RABGAP1L: variants seen among roughly 807,000 people sequenced by gnomAD.
RABGAP1L encodes the protein rab GTPase-activating protein 1-like.
In RABGAP1L, 63 loss-of-function variants were observed where a neutral mutation model predicts 137.7. The ratio of observed to expected loss-of-function variants is 0.46; its 90% confidence interval spans 0.37 to 0.56. RABGAP1L has a LOEUF of 0.56. Among genes scored for constraint, RABGAP1L ranks in the 20% least tolerant of loss-of-function variants. The probability of loss-of-function intolerance (pLI) is 0.00; values close to 1 mark genes in which losing one functional copy is unlikely to be tolerated. For synonymous variants in RABGAP1L, 431 were observed against 433.7 expected (o/e 0.99, Z 0.08); for missense variants, 1,095 against 1,244.0 (o/e 0.88, Z 1.80).
intron 13 of RABGAP1L, among the ~76,000 whole-genome samples, chr1:174,542,360 G>T (rs1454576543): frequency 2.0e-5 from 3 of 152,186 alleles, no homozygotes; most frequent in South Asian, 2.1e-4. Context: ...ATTTCTTCTA[G>T]ATTTTCTAGT....
chr1:174,557,452 C>A (rs2148006381), intron 13 of RABGAP1L, among the ~76,000 whole-genome samples: 1 of 152,280 alleles, frequency 6.6e-6, no homozygotes, highest in South Asian at 2.1e-4. Flanking sequence ...ACTTCTGTGA[C>A]CCTACCCCAT....
chr1:174,375,151 C>T lies in RABGAP1L; in HGVS notation c.1559+4079C>T, dbSNP rs188349964. 3.3e-5 allele frequency among the ~76,000 whole-genome samples: 5 copies of T among 152,050 alleles called. No individual in the cohort carries two copies. The East Asian group carries it at 9.7e-4, about 29-fold the overall frequency. On this transcript the variant is annotated intron_variant, in intron 12 of 25. Coordinates refer to ENST00000681986, the MANE Select transcript of RABGAP1L (RefSeq NM_001366446.1). The stretch of plus-strand genomic sequence containing the variant: ...AATTATTTATTCATTACATTTTCTA[C>T]ATGGCAGTTAATATTCTAAAACTAT...
intron 14 of RABGAP1L, among the ~76,000 whole-genome samples, chr1:174,640,955 A>G (rs1467227389): frequency 7.1e-6 from 1 of 141,034 alleles, no homozygotes. Context: ...ATAATATAAT[A>G]TATTATATTT....
At chr1:174,460,911 G>A (rs1412644745) in intron 13 of RABGAP1L, among the ~76,000 whole-genome samples, 7 of 152,150 alleles carry the variant, frequency 4.6e-5, no homozygotes, top group African/African-American at 1.4e-4. Flanking sequence ...GATCTGCTGA[G>A]CCTCATTTAA....
intron 13 of RABGAP1L, among the ~76,000 whole-genome samples, chr1:174,523,896 T>C (rs1219058308): frequency 6.6e-6 from 1 of 152,194 alleles, no homozygotes; most frequent in Non-Finnish European, 1.5e-5. Flanking sequence ...TATTTATCTT[T>C]CTCTACCTGG....
chr1:174,207,809 C>T (rs2148418869), intron 1 of RABGAP1L, among the ~76,000 whole-genome samples: 1 of 152,210 alleles, frequency 6.6e-6, no homozygotes, highest in South Asian at 2.1e-4. Flanking sequence ...TTATCTGTGT[C>T]TCCTGGTGTG....
chr1:174,683,625 A>G, intron 15 of RABGAP1L, 29 bp downstream of exon 15: 1 of 1,529,564 alleles, frequency 6.5e-7, no homozygotes, highest in Non-Finnish European at 9.0e-7. Flanking sequence ...GATAAATAGC[A>G]CAGTGCTGCC....
chr1:174,548,253 C>T (rs2147970133), intron 13 of RABGAP1L: 1 of 1,391,834 alleles, frequency 7.2e-7, no homozygotes, highest in East Asian at 2.6e-5. Flanking sequence ...ATCTAAGATT[C>T]TGTTTTTAAA....
intron 13 of RABGAP1L, among the ~76,000 whole-genome samples, chr1:174,534,802 A>AAAAAAAAAAAAAAAAAAAAAAAAAT (rs1553324953): frequency 7.3e-6 from 1 of 137,266 alleles, no homozygotes; most frequent in East Asian, 2.1e-4. Flanking sequence ...AAAAAAAAAA[A>AAAAAAAAAAAAAAAAAAAAAAAAAT]AATAATTAGA....
intron 13 of RABGAP1L, among the ~76,000 whole-genome samples, chr1:174,468,348 AAG>A (rs1292967805): frequency 6.6e-6 from 1 of 152,250 alleles, no homozygotes; most frequent in East Asian, 1.9e-4. Context: ...GAAATACTAG[AAG>A]AGAGTTTTGC....
intron 25 of RABGAP1L, 60 bp from the exon 26 acceptor site, chr1:174,989,789 T>C: frequency 6.6e-7 from 1 of 1,512,544 alleles, no homozygotes; most frequent in East Asian, 2.5e-5. Flanking sequence ...ACACTTTTAT[T>C]TATTTATTGG....
chr1:174,530,678 G>A (rs1279558439), intron 13 of RABGAP1L, among the ~76,000 whole-genome samples: 1 of 152,044 alleles, frequency 6.6e-6, no homozygotes, highest in African/African-American at 2.4e-5. Flanking sequence ...GTCACTTTCT[G>A]TTAAATCCCA....
intron 19 of RABGAP1L, among the ~76,000 whole-genome samples, chr1:174,932,527 T>C (rs918298103): frequency 2.0e-5 from 3 of 152,168 alleles, no homozygotes; most frequent in African/African-American, 7.2e-5. Flanking sequence ...AGTATGATTT[T>C]AATTTGTCTC....
intron 16 of RABGAP1L, chr1:174,700,888 A>T: frequency 3.4e-6 from 1 of 297,428 alleles, no homozygotes; most frequent in Non-Finnish European, 6.0e-6. Context: ...AAGGGCTTTG[A>T]GAATCAAGTA....
intron 14 of RABGAP1L, among the ~76,000 whole-genome samples, chr1:174,647,256 T>A (rs1450245239): frequency 6.6e-6 from 1 of 151,932 alleles, no homozygotes; most frequent in African/African-American, 2.4e-5. Context: ...TGAATAGGAG[T>A]GGTGAGAGAG....
intron 15 of RABGAP1L, among the ~76,000 whole-genome samples, chr1:174,686,830 G>GT (rs551963914): frequency 6.5e-4 from 96 of 148,332 alleles, no homozygotes; most frequent in East Asian, 9.9e-4. Context: ...GCTAATTTTA[G>GT]TTTTTTTTTC....
intron 1 of RABGAP1L, among the ~76,000 whole-genome samples, chr1:174,178,403 C>T (rs1217561858): frequency 6.6e-6 from 1 of 152,108 alleles, no homozygotes; most frequent in Non-Finnish European, 1.5e-5. Context: ...ATTAGTTCAG[C>T]CATTGTGGAA....
At chr1:174,637,546 C>A in intron 14 of RABGAP1L, 58 bp downstream of exon 14, 3 of 1,280,248 alleles carry the variant, frequency 2.3e-6, no homozygotes, top group Non-Finnish European at 3.4e-6. Flanking sequence ...TTTTAGAAAC[C>A]CATTTAAGGA....
chr1:174,268,397 G>A (rs915143754), intron 7 of RABGAP1L, among the ~76,000 whole-genome samples: 1 of 151,796 alleles, frequency 6.6e-6, no homozygotes. Context: ...AGAGACGGAG[G>A]TTTCACCATG....
Sources: allele counts gnomAD v4.1 joint callset (sites outside exome capture counted in the v4.1 genomes callset), GRCh38; gene constraint gnomAD v4.1.1; transcripts MANE v1.5; gene names NCBI Gene and HGNC (gene_info 2026-07-23, HGNC 2026-07-21).